The following LTBP1 variants were observed in gnomAD, a reference collection of about 807,000 sequenced individuals.
The protein encoded by LTBP1 is latent-transforming growth factor beta-binding protein 1.
A neutral mutation model predicts 207.6 loss-of-function variants in LTBP1; 129 were observed. The ratio of observed to expected loss-of-function variants is 0.62; its 90% confidence interval spans 0.54 to 0.72. LTBP1 has a LOEUF of 0.72. LTBP1 is among the 30% of genes least tolerant of loss of function. The pLI is 0.00. For synonymous variants in LTBP1, 963 were observed against 833.7 expected (o/e 1.16, Z -2.67); for missense variants, 2,281 against 2,217.2 (o/e 1.03, Z -0.58).
chr2:33,316,129 T>C (rs113671080), intron 24 of LTBP1, among the ~76,000 whole-genome samples: 1,566 of 148,150 alleles, frequency 0.011, 20 homozygotes, highest in African/African-American at 0.036. Context: ...ACAACCTCTG[T>C]ATGTTTGCAA....
intron 3 of LTBP1, among the ~76,000 whole-genome samples, chr2:33,047,784 G>A (rs7562395): frequency 3.0e-3 from 463 of 152,300 alleles, no homozygotes; most frequent in African/African-American, 0.011. Context: ...CTTGCTTTAT[G>A]AATCTGGGTG....
intron 3 of LTBP1, among the ~76,000 whole-genome samples, chr2:33,076,339 TGAA>T (rs531874326): frequency 3.9e-5 from 6 of 152,294 alleles, no homozygotes; most frequent in South Asian, 4.1e-4. Flanking sequence ...AGTGACCATT[TGAA>T]GAAGAAGAGA....
intron 2 of LTBP1, among the ~76,000 whole-genome samples, chr2:32,996,545 G>T (rs1293298622): frequency 6.6e-6 from 1 of 152,082 alleles, no homozygotes. Flanking sequence ...AGATGCTGGG[G>T]GTGCAGTGGT....
rs2093068540 is a variant in LTBP1 at position 33,263,204 on chromosome 2, C to G, written c.2519-90C>G. ...ATCTGACAAATGCTGTGATATATTG[C>G]TAGACTAAATTATGCTTGCATTTTG... On this transcript the variant is annotated intron_variant, in intron 14 of 33. Transcript: ENST00000404816. 6.3e-6 allele frequency: 5 copies of G among 789,154 alleles called. No individual in the cohort carries two copies. In the Admixed American group the frequency reaches 9.1e-5, roughly 14 times the overall value. 48.9% of individuals were successfully genotyped at this position (789,154 alleles called of 1,614,324 possible).
At chr2:33,165,111 A>C (rs1437851417) in intron 5 of LTBP1, among the ~76,000 whole-genome samples, 2 of 152,236 alleles carry the variant, frequency 1.3e-5, no homozygotes, top group Admixed American at 1.3e-4. Flanking sequence ...TTCATGATCT[A>C]AATGGAGAGT....
At chr2:33,233,574 C>G (rs910692395) in intron 9 of LTBP1, among the ~76,000 whole-genome samples, 2 of 152,066 alleles carry the variant, frequency 1.3e-5, no homozygotes, top group Non-Finnish European at 2.9e-5. Context: ...TTGATAAGCT[C>G]ACTTTGAATC....
rs149304449 is a variant in LTBP1, at chr2:33,129,601, T to G, written c.1034-5192T>G. 4.6e-3 allele frequency among the ~76,000 whole-genome samples: 705 copies of G among 152,358 alleles called. 3 individuals are homozygous for G. Among genetic ancestry groups the G allele is most frequent in the African/African-American group, 0.016 (673 of 41,584 alleles). ...TACTTGAGAAATTGCTATTTCCTATTGCTTATTCAGTTATTCTCTTTAACA... is the reference window on the plus strand; with the variant it reads ...TACTTGAGAAATTGCTATTTCCTATGGCTTATTCAGTTATTCTCTTTAACA... On this transcript the variant is annotated intron_variant, in intron 4 of 33. Coordinates refer to ENST00000404816, the MANE Select transcript of LTBP1 (RefSeq NM_206943.4).
chr2:33,228,085 A>ATG, intron 9 of LTBP1, among the ~76,000 whole-genome samples: 2 of 152,078 alleles, frequency 1.3e-5, no homozygotes, highest in Non-Finnish European at 2.9e-5. Flanking sequence ...GATTACAGGC[A>ATG]TGAGCCACCA....
intron 26 of LTBP1, among the ~76,000 whole-genome samples, chr2:33,355,490 A>T (rs1048428729): frequency 6.6e-6 from 1 of 151,954 alleles, no homozygotes; most frequent in Non-Finnish European, 1.5e-5. Flanking sequence ...CTGTTGTTTT[A>T]TTTGTATTAT....
chr2:33,018,958 A>G (rs17324606), intron 2 of LTBP1, among the ~76,000 whole-genome samples: 14,674 of 152,132 alleles, frequency 0.096, 939 homozygotes, highest in Non-Finnish European at 0.14. Flanking sequence ...TAGAAAAATC[A>G]TTACTTGCTG....
chr2:33,110,092 C>T (rs1323214837), intron 3 of LTBP1, among the ~76,000 whole-genome samples: 1 of 152,104 alleles, frequency 6.6e-6, no homozygotes, highest in South Asian at 2.1e-4. Context: ...ACATCTTTGT[C>T]TTTATTCCCT....
intron 3 of LTBP1, among the ~76,000 whole-genome samples, chr2:33,058,844 T>C (rs1444168558): frequency 2.6e-5 from 4 of 152,202 alleles, no homozygotes; most frequent in African/African-American, 9.6e-5. Flanking sequence ...AGAAAAAACA[T>C]TGCCATTTAA....
In LTBP1 at chr2:33,241,943, G is replaced by A. The variant is rs77924441; in HGVS notation, c.1877-1719G>A. Among the ~76,000 whole-genome samples the A allele has an allele frequency of 7.6e-3, 1,153 of 152,246 alleles. 13 individuals carry two copies. The highest frequency in any genetic ancestry group is 0.027 in the African/African-American group (1,107 of 41,524). On this transcript the variant is annotated intron_variant, in intron 9 of 33. Coordinates refer to ENST00000404816, the MANE Select transcript of LTBP1 (RefSeq NM_206943.4). ...ACACACTTCAATAAATAATGAGATG[G>A]TCAGGTGCTGTACTGTGTGCCGTAC... is the stretch of plus-strand genomic sequence containing the variant.
chr2:33,027,076 G>A (rs1214850508), intron 3 of LTBP1, among the ~76,000 whole-genome samples: 1 of 152,162 alleles, frequency 6.6e-6, no homozygotes, highest in Non-Finnish European at 1.5e-5. Flanking sequence ...CTATGCAGTT[G>A]TGTGACTATA....
chr2:33,125,674 T>C (rs2081393816), intron 4 of LTBP1, among the ~76,000 whole-genome samples: 1 of 151,580 alleles, frequency 6.6e-6, no homozygotes, highest in Admixed American at 6.6e-5. Context: ...CTACTAAAAA[T>C]ACAAAAATTA....
intron 2 of LTBP1, among the ~76,000 whole-genome samples, chr2:32,959,621 A>ATATATATTTTTTT (rs1475834284): frequency 8.2e-5 from 3 of 36,664 alleles, no homozygotes; most frequent in African/African-American, 2.9e-4. Context: ...ATATATATAT[A>ATATATATTTTTTT]TTTTTTTTTT....
intron 26 of LTBP1, among the ~76,000 whole-genome samples, chr2:33,357,971 T>G (rs939414806): frequency 2.0e-5 from 3 of 152,190 alleles, no homozygotes; most frequent in Admixed American, 1.3e-4. Context: ...TTTAAGAAAT[T>G]ACATTATCAC....
At chr2:33,039,206 A>G (rs1240791672) in intron 3 of LTBP1, among the ~76,000 whole-genome samples, 1 of 152,108 alleles carries the variant, frequency 6.6e-6, no homozygotes, top group African/African-American at 2.4e-5. Flanking sequence ...TCTGTTCATT[A>G]TCATTCTAGG....
intron 3 of LTBP1, among the ~76,000 whole-genome samples, chr2:33,077,868 G>T (rs2078171191): frequency 6.6e-6 from 1 of 152,180 alleles, no homozygotes; most frequent in Non-Finnish European, 1.5e-5. Flanking sequence ...CAACATCTTG[G>T]TGGGTGTAAA....
Sources: allele counts gnomAD v4.1 joint callset (sites outside exome capture counted in the v4.1 genomes callset), GRCh38; gene constraint gnomAD v4.1.1; transcripts MANE v1.5; gene names NCBI Gene and HGNC (gene_info 2026-07-23, HGNC 2026-07-21).